The following NFKB1 variants were observed in gnomAD, a reference collection of about 807,000 sequenced individuals.
NFKB1 encodes nuclear factor NF-kappa-B p105 subunit.
Under a neutral mutation model 105.1 loss-of-function variants are expected in NFKB1, and 9 were observed. The observed-to-expected ratio is 0.09, with a 90% CI of 0.05 to 0.15. NFKB1 has a LOEUF of 0.15. Ranked by LOEUF, NFKB1 falls within the 10% of genes least tolerant of loss-of-function variation. The probability of loss-of-function intolerance (pLI) is 1.00; values close to 1 mark genes in which losing one functional copy is unlikely to be tolerated. For synonymous variants in NFKB1, 440 were observed against 442.2 expected, an observed-to-expected ratio of 1.00 and a Z score of 0.06; for missense variants, 830 against 1,203.7, an observed-to-expected ratio of 0.69 and a Z score of 4.59.
intron 1 of NFKB1, chr4:102,503,494 G>A (rs564996888): frequency 6.6e-6 from 1 of 152,184 alleles, no homozygotes; most frequent in Non-Finnish European, 1.5e-5. Flanking sequence ...AAAGAAGGTA[G>A]TATAATCCTT....
At chr4:102,580,453 T>C in intron 8 of NFKB1, 82 bp from the exon 9 acceptor site, 5 of 1,087,586 alleles carry the variant, frequency 4.6e-6, no homozygotes, top group Non-Finnish European at 7.1e-6. Context: ...TCATGTGTGC[T>C]AAGGGGAGGG....
chr4:102,506,939 GCAA>G (rs139125020), intron 1 of NFKB1, among the ~76,000 whole-genome samples: 44 of 149,142 alleles, frequency 3.0e-4, no homozygotes, highest in Non-Finnish European at 4.4e-4. Flanking sequence ...TACAGATATG[GCAA>G]CAACAAAAAA....
intron 23 of NFKB1, among the ~76,000 whole-genome samples, chr4:102,614,581 T>G (rs1388455328): frequency 6.6e-6 from 1 of 152,164 alleles, no homozygotes; most frequent in Non-Finnish European, 1.5e-5. Flanking sequence ...CTGCTTGGCC[T>G]CCTGCAGTTG....
chr4:102,515,369 C>T (rs892334805), intron 1 of NFKB1, among the ~76,000 whole-genome samples: 63 of 152,024 alleles, frequency 4.1e-4, no homozygotes, highest in African/African-American at 1.4e-3. Context: ...CTCGGCCTCC[C>T]AAAGTGCTGG....
At chr4:102,580,742 C>T in intron 9 of NFKB1, 103 bp downstream of exon 9, 2 of 783,884 alleles carry the variant, frequency 2.6e-6, no homozygotes, top group South Asian at 4.0e-5. Flanking sequence ...CAAGAAACAT[C>T]CCTCTGCTGC....
At chr4:102,551,464 T>C (rs1722604053) in intron 5 of NFKB1, among the ~76,000 whole-genome samples, 1 of 152,152 alleles carries the variant, frequency 6.6e-6, no homozygotes, top group African/African-American at 2.4e-5. Flanking sequence ...CTCTCCCTTC[T>C]CTGTTTGTGA....
At chr4:102,538,762 A>G (rs540809065) in intron 5 of NFKB1, among the ~76,000 whole-genome samples, 4 of 152,334 alleles carry the variant, frequency 2.6e-5, no homozygotes, top group Admixed American at 6.5e-5. Context: ...GCAGTCAACA[A>G]TTGTAATTTA....
chr4:102,571,225 A>C (rs1216512170), intron 6 of NFKB1, among the ~76,000 whole-genome samples: 8 of 152,306 alleles, frequency 5.3e-5, no homozygotes, highest in Non-Finnish European at 1.0e-4. Flanking sequence ...CAAAAACAAG[A>C]AATGGGGAAA....
At chr4:102,599,189 G>A (rs1043862104) in intron 15 of NFKB1, among the ~76,000 whole-genome samples, 24 of 152,136 alleles carry the variant, frequency 1.6e-4, no homozygotes, top group African/African-American at 5.3e-4. Context: ...GGAAATTTTC[G>A]AGCAGTTTTA....
intron 9 of NFKB1, 53 bp from the exon 10 acceptor site, chr4:102,582,813 T>C: frequency 8.5e-7 from 1 of 1,183,050 alleles, no homozygotes. Flanking sequence ...AGCATGTTTA[T>C]AAATACTATT....
At chr4:102,537,545 C>G (rs1741720123) in intron 4 of NFKB1, 1 of 187,630 alleles carries the variant, frequency 5.3e-6, no homozygotes, top group Non-Finnish European at 1.1e-5. Flanking sequence ...CTAGAACAAG[C>G]CGTAACATGT....
At chr4:102,511,101 T>A (rs1011915050) in intron 1 of NFKB1, among the ~76,000 whole-genome samples, 3 of 152,154 alleles carry the variant, frequency 2.0e-5, no homozygotes, top group African/African-American at 7.2e-5. Flanking sequence ...ATTTTTTCCT[T>A]CCTTTTTTTT....
intron 11 of NFKB1, among the ~76,000 whole-genome samples, chr4:102,588,962 A>C (rs1318522042): frequency 6.6e-6 from 1 of 152,150 alleles, no homozygotes; most frequent in Non-Finnish European, 1.5e-5. Flanking sequence ...CCATTGTCAA[A>C]AGCAGACCGC....
chr4:102,616,220 T>C (rs780923605), intron 23 of NFKB1, among the ~76,000 whole-genome samples: 2 of 152,138 alleles, frequency 1.3e-5, no homozygotes, highest in Non-Finnish European at 2.9e-5. Flanking sequence ...TGAAAGCATT[T>C]GGCTAATTCT....
At chr4:102,521,569 A>T (rs1228070698) in intron 1 of NFKB1, among the ~76,000 whole-genome samples, 2 of 152,218 alleles carry the variant, frequency 1.3e-5, no homozygotes, top group Non-Finnish European at 2.9e-5. Context: ...TTTAAAATGA[A>T]ATCCTATAGA....
intron 1 of NFKB1, among the ~76,000 whole-genome samples, chr4:102,513,922 C>T (rs1208879088): frequency 6.6e-6 from 1 of 151,962 alleles, no homozygotes. Context: ...GGCTGTAATC[C>T]TAGCACTTTG....
At chr4:102,536,465 C>G (rs1313212057) in intron 4 of NFKB1, among the ~76,000 whole-genome samples, 1 of 152,136 alleles carries the variant, frequency 6.6e-6, no homozygotes, top group South Asian at 2.1e-4. Context: ...GAGGACTGAT[C>G]TTTGGAAATC....
chr4:102,526,954 A>G (rs1275140745), intron 2 of NFKB1, among the ~76,000 whole-genome samples: 1 of 151,956 alleles, frequency 6.6e-6, no homozygotes, highest in Non-Finnish European at 1.5e-5. Flanking sequence ...ATATGTATAT[A>G]TGTATATGTA....
At position 102,579,001 on chromosome 4, in the gene NFKB1, G is replaced by A. The variant is rs146936581; in HGVS notation, c.692G>A (p.Arg231His). 9.1e-5 allele frequency: 147 copies of A among 1,613,938 alleles called. No individual in the cohort carries two copies. Among genetic ancestry groups the A allele is most frequent in the Non-Finnish European group, 1.0e-4 (120 of 1,179,988 alleles). The change falls in exon 8 of 24, where the codon CGC becomes CAC. Residue 231 changes from arginine to histidine, a missense_variant. By Grantham distance (29) the Arg-to-His change is conservative (BLOSUM62 0). Around this residue, in one of 8 missense-constraint regions of NFKB1, gnomAD observed 80 missense variants for 122.6 expected, o/e 0.65. Coordinates refer to ENST00000226574, the MANE Select transcript of NFKB1 (RefSeq NM_003998.4). ...LPDSTGSFTR[R>H]LEPVVSDAIY... ...GATAGCACTGGCAGCTTCACAAGGC[G>A]CCTGGAACCCGTGGTATCAGACGCC... is the stretch of plus-strand genomic sequence containing the variant.
Sources: allele counts gnomAD v4.1 joint callset (sites outside exome capture counted in the v4.1 genomes callset), GRCh38; gene constraint gnomAD v4.1.1; regional missense constraint gnomAD v4.1.1; transcripts MANE v1.5; gene names NCBI Gene and HGNC (gene_info 2026-07-23, HGNC 2026-07-21).